Variants in RANBP2 observed in about 807,000 individuals in gnomAD.
RANBP2 encodes E3 SUMO-protein ligase RanBP2.
Under a neutral mutation model 303.6 loss-of-function variants are expected in RANBP2, and 57 were observed. The ratio of observed to expected loss-of-function variants is 0.19; its 90% CI spans 0.15 to 0.23. The LOEUF (loss-of-function observed/expected upper bound fraction) is 0.23. Ranked by LOEUF, RANBP2 falls within the 10% of genes least tolerant of loss-of-function variation. The pLI is 1.00. For missense variants in RANBP2, 3,138 were observed against 3,780.8 expected (o/e 0.83, Z 4.46); for synonymous variants, 1,167 against 1,301.5 (o/e 0.90, Z 2.23).
the RANBP2 span, among the ~76,000 whole-genome samples, chr2:109,698,754 T>C: frequency 6.6e-6 from 1 of 152,028 alleles, no homozygotes; most frequent in East Asian, 1.9e-4. Context: ...TGGAGTTTTT[T>C]TGCATTCTTT....
the RANBP2 span, among the ~76,000 whole-genome samples, chr2:109,659,358 G>A: frequency 0.21 from 31,517 of 151,870 alleles, 3,365 homozygotes; most frequent in African/African-American, 0.23. Context: ...CTGGGTGACA[G>A]AGATTTCATC....
At chr2:109,681,294 G>A in the RANBP2 span, among the ~76,000 whole-genome samples, 3 of 152,220 alleles carry the variant, frequency 2.0e-5, no homozygotes, top group Non-Finnish European at 2.9e-5. Context: ...GGAAAGGGGC[G>A]TCTAAGGATT....
chr2:109,585,569 A>C, the RANBP2 span: 1 of 730,476 alleles, frequency 1.4e-6, no homozygotes. Flanking sequence ...AAGCTAAGAA[A>C]AACAAAACTA....
the RANBP2 span, among the ~76,000 whole-genome samples, chr2:109,484,268 T>C: frequency 6.6e-6 from 1 of 152,104 alleles, no homozygotes; most frequent in African/African-American, 2.4e-5. Context: ...GGTTTCACCA[T>C]GTTGGCCAGG....
At chr2:108,742,823 CTG>C (rs1313974079) in intron 7 of RANBP2, among the ~76,000 whole-genome samples, 1 of 152,096 alleles carries the variant, frequency 6.6e-6, no homozygotes, top group Non-Finnish European at 1.5e-5. Context: ...GAGTCTCACT[CTG>C]TTGCCCAGGC....
the RANBP2 span, among the ~76,000 whole-genome samples, chr2:108,929,011 G>A: frequency 6.6e-6 from 1 of 152,250 alleles, no homozygotes; most frequent in African/African-American, 2.4e-5. Flanking sequence ...TGGGCTGCCT[G>A]TCCACCGGAG....
At chr2:109,263,030 G>T in the RANBP2 span, among the ~76,000 whole-genome samples, 1 of 151,894 alleles carries the variant, frequency 6.6e-6, no homozygotes, top group Non-Finnish European at 1.5e-5. Flanking sequence ...ATTTTTGGTA[G>T]AGACAGGGTT....
At chr2:109,011,722 C>T in the RANBP2 span, among the ~76,000 whole-genome samples, 2 of 152,306 alleles carry the variant, frequency 1.3e-5, no homozygotes, top group African/African-American at 4.8e-5. Flanking sequence ...CCCTCCTCTA[C>T]TTTCTGGGAA....
the RANBP2 span, among the ~76,000 whole-genome samples, chr2:109,491,344 G>A: frequency 5.3e-5 from 8 of 152,110 alleles, no homozygotes; most frequent in Non-Finnish European, 1.2e-4. Context: ...CTCTTCCCTC[G>A]CAAGCCTCAA....
At chr2:109,683,548 A>G in the RANBP2 span, among the ~76,000 whole-genome samples, 4 of 152,114 alleles carry the variant, frequency 2.6e-5, no homozygotes, top group East Asian at 3.9e-4. Flanking sequence ...CTTCCAATAC[A>G]TGGGCCAGTC....
the RANBP2 span, among the ~76,000 whole-genome samples, chr2:109,217,331 A>G: frequency 1.3e-5 from 2 of 152,182 alleles, no homozygotes; most frequent in African/African-American, 4.8e-5. Context: ...CTCTTTGTAG[A>G]TACGTATTTG....
the RANBP2 span, among the ~76,000 whole-genome samples, chr2:109,705,034 A>G: frequency 9.9e-5 from 15 of 152,040 alleles, no homozygotes; most frequent in Non-Finnish European, 1.0e-4. Flanking sequence ...AATGGAGGCC[A>G]TTGCACTCCA....
At chr2:109,367,370 C>A in the RANBP2 span, among the ~76,000 whole-genome samples, 2,768 of 152,184 alleles carry the variant, frequency 0.018, 81 homozygotes, top group African/African-American at 0.057. Flanking sequence ...CAACCTCTGC[C>A]TCCTGGGTTC....
chr2:109,236,195 A>C, the RANBP2 span, among the ~76,000 whole-genome samples: 6 of 152,344 alleles, frequency 3.9e-5, no homozygotes, highest in East Asian at 9.6e-4. Context: ...ACTTTCTGGA[A>C]GTGAAAACTG....
At chr2:109,410,204 C>T in the RANBP2 span, among the ~76,000 whole-genome samples, 1 of 152,236 alleles carries the variant, frequency 6.6e-6, no homozygotes, top group African/African-American at 2.4e-5. Context: ...TTGCTGACAC[C>T]AGGCTTCCAA....
At chr2:109,172,398 A>G in the RANBP2 span, among the ~76,000 whole-genome samples, 1 of 152,212 alleles carries the variant, frequency 6.6e-6, no homozygotes, top group African/African-American at 2.4e-5. Flanking sequence ...CTGCTCCTGG[A>G]GGTCTTCCTT....
the RANBP2 span, among the ~76,000 whole-genome samples, chr2:109,297,183 AG>A: frequency 1.4e-4 from 22 of 151,954 alleles, no homozygotes; most frequent in African/African-American, 5.1e-4. Flanking sequence ...GGGCCTCTGC[AG>A]GGGGGTGAGT....
At chr2:109,296,452 A>G in the RANBP2 span, among the ~76,000 whole-genome samples, 5,616 of 151,840 alleles carry the variant, frequency 0.037, 265 homozygotes, top group African/African-American at 0.1. Flanking sequence ...ATGTTGTTCA[A>G]GCTGGTCTCA....
the RANBP2 span, among the ~76,000 whole-genome samples, chr2:109,053,478 A>G: frequency 8.1e-4 from 124 of 152,308 alleles, no homozygotes; most frequent in African/African-American, 2.8e-3. Flanking sequence ...CCGGGTTATA[A>G]AGGCAGGGCA....
Sources: gnomAD v4.1 joint callset for allele counts (sites outside exome capture counted in the v4.1 genomes callset) on GRCh38, gnomAD v4.1.1 for gene constraint, MANE v1.5 for transcripts, NCBI Gene and HGNC (gene_info 2026-07-23, HGNC 2026-07-21) for gene names.